The following CDK13 variants were observed in gnomAD, a reference collection of about 807,000 sequenced individuals.
CDK13 encodes the protein cyclin-dependent kinase 13.
A neutral mutation model predicts 137.6 loss-of-function variants in CDK13; 40 were observed. The observed-to-expected ratio is 0.29, with a 90% CI of 0.23 to 0.38. The LOEUF (loss-of-function observed/expected upper bound fraction) is 0.38, where lower values mean the gene tolerates loss of function less well. CDK13 is among the 10% of genes least tolerant of loss of function. CDK13 has a pLI of 1.00. For missense variants in CDK13, 1,704 were observed against 1,951.8 expected (o/e 0.87, Z 2.39); for synonymous variants, 869 against 760.1 (o/e 1.14, Z -2.36).
intron 1 of CDK13, among the ~76,000 whole-genome samples, chr7:39,958,830 T>A (rs532202369): frequency 6.6e-6 from 1 of 152,374 alleles, no homozygotes; most frequent in Non-Finnish European, 1.5e-5. Flanking sequence ...GTAACATTGA[T>A]ACACTTTCAA....
intron 12 of CDK13, among the ~76,000 whole-genome samples, chr7:40,091,012 AC>A (rs1786909197): frequency 6.6e-6 from 1 of 151,614 alleles, no homozygotes; most frequent in Non-Finnish European, 1.5e-5. Context: ...GGAGTTCGAG[AC>A]CAGCCTGGCC....
In CDK13 at chr7:39,950,635, C is replaced by A; in HGVS notation, c.-7C>A. The A allele has an allele frequency of 7.6e-7, 1 of 1,318,476 alleles. No homozygotes were observed. The highest frequency in any genetic ancestry group is 9.7e-7 in the Non-Finnish European group (1 of 1,036,120). The allele number at this position is 1,318,476 out of a possible 1,614,324, so 81.7% of individuals were successfully genotyped here. A position where few individuals can be genotyped will look rare whatever the true frequency, so the allele number is the denominator to read the frequency against. On this transcript the variant is annotated 5_prime_UTR_variant, in exon 1 of 14. Coordinates refer to ENST00000181839, the MANE Select transcript of CDK13 (RefSeq NM_003718.5). ...CCCGCGCCGCGCTCTGCGGCTGGCT[C>A]TAGGCGATGCCGAGCAGCTCGGACA...
At chr7:39,977,220 G>A (rs1222301213) in intron 1 of CDK13, among the ~76,000 whole-genome samples, 1 of 152,172 alleles carries the variant, frequency 6.6e-6, no homozygotes, top group African/African-American at 2.4e-5. Flanking sequence ...AGGCATGGAA[G>A]TATTGGGCAA....
rs1787060561 is a variant in CDK13, at chr7:40,096,985, G to C, written c.*2005G>C. On this transcript the variant is annotated 3_prime_UTR_variant, in exon 14 of 14. Transcript: ENST00000181839. ...TAATATGGTGAGTCTTAGAGCTTTA[G>C]ACTTTCCTATAAGTGACAGTATCTA... The C allele has an allele frequency of 1.3e-5, 2 of 152,048 alleles. No homozygotes were observed. Among genetic ancestry groups the C allele is most frequent in the Admixed American group, 1.3e-4 (2 of 15,272 alleles). The allele number at this position is 152,048 out of a possible 1,614,324, so 9.4% of individuals were successfully genotyped here. A position where few individuals can be genotyped will look rare whatever the true frequency, so the allele number is the denominator to read the frequency against.
At chr7:40,045,723 CTTCTT>C in intron 5 of CDK13, 108 bp from the exon 6 acceptor site, 5 of 657,004 alleles carry the variant, frequency 7.6e-6, no homozygotes, top group Non-Finnish European at 1.3e-5. Context: ...CAAAGTAACA[CTTCTT>C]TTCAAGGATT....
intron 11 of CDK13, among the ~76,000 whole-genome samples, chr7:40,079,396 G>T (rs2150536824): frequency 6.6e-6 from 1 of 151,848 alleles, no homozygotes; most frequent in African/African-American, 2.4e-5. Context: ...TCCAGCCTGG[G>T]TGACAAGAGC....
At chr7:40,045,235 T>G (rs1052266203) in intron 5 of CDK13, among the ~76,000 whole-genome samples, 1 of 152,166 alleles carries the variant, frequency 6.6e-6, no homozygotes, top group Non-Finnish European at 1.5e-5. Context: ...GTATAGTTTG[T>G]GTGTGTGTGC....
intron 1 of CDK13, among the ~76,000 whole-genome samples, chr7:39,957,352 A>C (rs1219424865): frequency 8.8e-6 from 1 of 113,358 alleles, no homozygotes; most frequent in East Asian, 1.9e-4. Flanking sequence ...GAGTTTTAAA[A>C]AATTCTGTTT....
At chr7:39,971,432 A>T (rs1490132666) in intron 1 of CDK13, among the ~76,000 whole-genome samples, 1 of 152,120 alleles carries the variant, frequency 6.6e-6, no homozygotes, top group Non-Finnish European at 1.5e-5. Context: ...TAGGAGAATC[A>T]CTTGAGCCCA....
chr7:39,997,507 A>G lies in CDK13; in HGVS notation c.1885A>G (p.Ile629Val), dbSNP rs751299342. ...DKEADSLRGN[I>V]SVKAVKKEVE... ...TTTCACTTTCAGCTTACGAGGAAATATTTCAGTAAAAGCAGTTAAAAAAGA... is the reference window on the plus strand; with the variant it reads ...TTTCACTTTCAGCTTACGAGGAAATGTTTCAGTAAAAGCAGTTAAAAAAGA... Residue 629 changes from isoleucine (I) to valine (V), a missense_variant, in exon 3 of 14, where the codon ATT becomes GTT. This residue lies in a region of CDK13 where 1,051 missense variants were observed against 931.0 expected (regional missense o/e 1.13). Coordinates refer to ENST00000181839, the MANE Select transcript of CDK13 (RefSeq NM_003718.5). 9.4e-6 allele frequency: 15 copies of G among 1,595,458 alleles called. No homozygotes were observed. The East Asian group carries it at 1.1e-4, about 12-fold the overall frequency.
intron 7 of CDK13, chr7:40,059,334 C>G (rs1786089394): frequency 6.5e-6 from 1 of 152,846 alleles, no homozygotes; most frequent in Non-Finnish European, 1.5e-5. Context: ...TCTGGAATTC[C>G]TGGGATTGCT....
chr7:40,037,993 G>T (rs556379600), intron 5 of CDK13, among the ~76,000 whole-genome samples: 11 of 152,118 alleles, frequency 7.2e-5, no homozygotes, highest in African/African-American at 2.7e-4. Context: ...TTTAGGGATT[G>T]CTTTTTTTCC....
Position 39,999,363 on chromosome 7 carries a change from T to C in CDK13, c.2045T>C (p.Ile682Thr), listed in dbSNP as rs1356920345. Residue 682 changes from isoleucine (I) to threonine (T), a missense_variant and splice_region_variant, in exon 4 of 14, where the codon ATA (isoleucine) becomes ACA (threonine). Ile to Thr is a moderately conservative substitution (Grantham distance 89, BLOSUM62 -1). This residue lies in a region of CDK13 where 130 missense variants were observed against 362.4 expected (regional missense o/e 0.36). Transcript: ENST00000181839. ...AACTTTAGAACTATATTTGATAGAA[T>C]ATGTGGGCCTCGCTATGGTGAAACC... ...TQLHSKRRPK[I>T]CGPRYGETKE... is the part of the protein sequence containing the mutation. 1.2e-6 allele frequency: 2 copies of C among 1,607,212 alleles called. No individual in the cohort carries two copies. The highest frequency in any genetic ancestry group is 1.7e-5 in the Admixed American group (1 of 58,488).
intron 9 of CDK13, among the ~76,000 whole-genome samples, chr7:40,074,813 C>T (rs1279754679): frequency 1.3e-5 from 2 of 150,210 alleles, no homozygotes; most frequent in Non-Finnish European, 3.0e-5. Flanking sequence ...CAGTGGAACC[C>T]TGTGTCTATT....
At chr7:39,981,575 TC>T (rs1784224323) in intron 1 of CDK13, among the ~76,000 whole-genome samples, 1 of 152,154 alleles carries the variant, frequency 6.6e-6, no homozygotes, top group South Asian at 2.1e-4. Flanking sequence ...AGTTTTAGGT[TC>T]CCAAACCATG....
At chr7:39,997,874 C>T (rs912819675) in intron 3 of CDK13, 5 of 462,020 alleles carry the variant, frequency 1.1e-5, no homozygotes, top group Admixed American at 4.0e-5. Context: ...AATTTTCTCT[C>T]GTAATTTGTA....
In CDK13 at chr7:40,040,908, C is replaced by G. The variant is rs575044051; in HGVS notation, c.2354-4928C>G. On this transcript the variant is annotated intron_variant, in intron 5 of 13. Coordinates refer to ENST00000181839, the MANE Select transcript of CDK13 (RefSeq NM_003718.5). ...TATCTGCATTTAAAGATAGTTTTAG[C>G]TTTCCTATGTCAATTCTTAAATCTC... Among the ~76,000 whole-genome samples the G allele has an allele frequency of 4.6e-5, 7 of 152,256 alleles. No homozygotes were observed. The East Asian group carries it at 1.2e-3, about 25-fold the overall frequency.
intron 1 of CDK13, among the ~76,000 whole-genome samples, chr7:39,981,240 C>T (rs185999226): frequency 9.3e-4 from 142 of 151,960 alleles, no homozygotes; most frequent in Non-Finnish European, 1.8e-3. Context: ...TGGTGGTGCG[C>T]GCCTGTAGTC....
chr7:40,060,895 C>A (rs530836419), intron 7 of CDK13: 1 of 152,216 alleles, frequency 6.6e-6, no homozygotes, highest in Non-Finnish European at 1.5e-5. Context: ...TGGCAAAACC[C>A]TGTCTCTACT....
Sources: allele counts gnomAD v4.1 joint callset (sites outside exome capture counted in the v4.1 genomes callset), GRCh38; gene constraint gnomAD v4.1.1; regional missense constraint gnomAD v4.1.1; transcripts MANE v1.5; gene names NCBI Gene and HGNC (gene_info 2026-07-23, HGNC 2026-07-21).